Variants in GGA3 observed in about 807,000 individuals in gnomAD.
GGA3 encodes the protein golgi associated, gamma adaptin ear containing, ARF binding protein 3.
In GGA3, 57 loss-of-function variants were observed where a neutral mutation model predicts 77.5. The ratio of observed to expected loss-of-function variants is 0.74; its 90% confidence interval spans 0.59 to 0.92. GGA3 has a LOEUF of 0.92. Among genes scored for constraint, GGA3 ranks in the 40% least tolerant of loss-of-function variants. The probability of loss-of-function intolerance (pLI) is 0.00; values close to 1 mark genes in which losing one functional copy is unlikely to be tolerated. For synonymous variants in GGA3, 416 were observed against 383.7 expected (o/e 1.08, Z -0.98); for missense variants, 970 against 914.9 (o/e 1.06, Z -0.78).
chr17:75,255,036 G>C (rs1226684293), intron 1 of GGA3, among the ~76,000 whole-genome samples: 2 of 152,178 alleles, frequency 1.3e-5, no homozygotes, highest in Non-Finnish European at 2.9e-5. Context: ...TCGGCTTAAC[G>C]GCTGAAGACT....
At position 75,241,668 on chromosome 17, in the gene GGA3, C is replaced by T. The variant is rs368953900; in HGVS notation, c.776G>A (p.Arg259Lys). 6.8e-6 allele frequency: 11 copies of T among 1,614,034 alleles called. No individual in the cohort carries two copies. Among genetic ancestry groups the T allele is most frequent in the Non-Finnish European group, 8.5e-6 (10 of 1,179,998 alleles). ...KELFDQCENKRRTLFKLASET... is the reference protein window; with the variant it reads ...KELFDQCENKKRTLFKLASET... Reference sequence around the variant, plus strand: ...ACTGGCGAGTTTAAATAAAGTCCGCCTCTTGTTCTCACACTGATCAAACAG... The same window carrying T: ...ACTGGCGAGTTTAAATAAAGTCCGCTTCTTGTTCTCACACTGATCAAACAG... The change falls in exon 9 of 17, where the codon AGG (arginine) becomes AAG (lysine). Residue 259 changes from arginine (R) to lysine (K), a missense_variant. Coordinates refer to ENST00000537686, the MANE Select transcript of GGA3 (RefSeq NM_138619.4).
rs757636125 is a variant in GGA3, at chr17:75,242,378, G to A, written c.705C>T (p.Tyr235=). Residue 235 remains tyrosine (Y), a synonymous_variant, in exon 8 of 17, where the codon TAC becomes TAT. Transcript: ENST00000537686. ...VRLLSEMLLH[Y]SQEDSSDGDR... is the part of the protein sequence containing the mutation. ...CCCCGTCCGAAGAGTCCTCCTGGCT[G>A]TAATGAAGCAGCATCTCACTGAGCA... is the stretch of plus-strand genomic sequence containing the variant. The A allele has an allele frequency of 2.5e-6, 4 of 1,614,188 alleles. No homozygotes were observed. The highest frequency in any genetic ancestry group is 3.4e-6 in the Non-Finnish European group (4 of 1,180,004).
rs910807206 is a variant in GGA3, at chr17:75,246,393, T to C, written c.201+116A>G. The C allele has an allele frequency of 4.3e-6, 3 of 705,546 alleles. No homozygotes were observed. In the South Asian group the frequency reaches 4.8e-5, roughly 11 times the overall value. The allele number at this position is 705,546 out of a possible 1,614,324, so 43.7% of individuals were successfully genotyped here. A position where few individuals can be genotyped will look rare whatever the true frequency, so the allele number is the denominator to read the frequency against. Reference sequence around the variant, plus strand: ...AGATTCGAGATCTATCTAGTCTGTATCAAGGACTTTCTGTTGGCTTTTGGC... The same window carrying C: ...AGATTCGAGATCTATCTAGTCTGTACCAAGGACTTTCTGTTGGCTTTTGGC... On this transcript the variant is annotated intron_variant, in intron 3 of 16. Coordinates refer to ENST00000537686, the MANE Select transcript of GGA3 (RefSeq NM_138619.4).
intron 16 of GGA3, 22 bp from the exon 17 acceptor site, chr17:75,238,411 G>A (rs1476300281): frequency 1.2e-6 from 2 of 1,604,470 alleles, no homozygotes; most frequent in Non-Finnish European, 8.5e-7. Context: ...GGCAGCAAGT[G>A]AGATCCAGCC....
At chr17:75,252,724 T>C (rs1339173802) in intron 1 of GGA3, among the ~76,000 whole-genome samples, 1 of 152,156 alleles carries the variant, frequency 6.6e-6, no homozygotes, top group Non-Finnish European at 1.5e-5. Context: ...GATGTAAAAA[T>C]AGCCTTACCT....
Position 75,240,392 on chromosome 17 carries a change from T to G in GGA3, c.1213A>C (p.Asn405His). 1 of 1,599,872 alleles carries G rather than the reference T, an allele frequency of 6.3e-7. No homozygotes were observed. Among genetic ancestry groups the G allele is most frequent in the African/African-American group, 1.3e-5 (1 of 74,908 alleles). Reference protein sequence around the residue: ...LCLGLADPAPNVPPKESAGNS... With the variant: ...LCLGLADPAPHVPPKESAGNS... ...CCAGCTGACTCTTTGGGAGGAACAT[T>G]AGGGGCTGGGTCGGCGAGGCCTGAC... is the stretch of plus-strand genomic sequence containing the variant. The change falls in exon 12 of 17, where the codon AAT (asparagine) becomes CAT (histidine). Residue 405 changes from asparagine to histidine, a missense_variant. By Grantham distance (68) the Asn-to-His change is moderately conservative. Transcript: ENST00000537686.
chr17:75,239,306 G>T, intron 14 of GGA3, 69 bp downstream of exon 14: 1 of 1,328,278 alleles, frequency 7.5e-7, no homozygotes, highest in Non-Finnish European at 1.0e-6. Context: ...ATCCATCCCT[G>T]TCGCATGTCC....
intron 3 of GGA3, among the ~76,000 whole-genome samples, chr17:75,245,362 G>T (rs1188010554): frequency 6.6e-6 from 1 of 152,058 alleles, no homozygotes; most frequent in Admixed American, 6.6e-5. Context: ...TCTTCGTTGT[G>T]GGGGGCCACT....
rs1338233945 is a variant in GGA3, at chr17:75,248,209, C to T, written c.41-1413G>A. Among the ~76,000 whole-genome samples the T allele has an allele frequency of 6.6e-5, 10 of 151,970 alleles. 1 individual carries two copies. The highest frequency in any genetic ancestry group is 1.3e-4 in the Non-Finnish European group (9 of 67,984). ...CTACGGGGCCGGGCGTGGTGGCTCA[C>T]GCCTGTAATCCCAGCACTTTGGGAG... On this transcript the variant is annotated intron_variant, in intron 1 of 16. Transcript: ENST00000537686.
At chr17:75,248,839 C>A in intron 1 of GGA3, 1 of 976,544 alleles carries the variant, frequency 1.0e-6, no homozygotes, top group Non-Finnish European at 1.2e-6. Flanking sequence ...AAAAAACTCA[C>A]CAGCTGGATG....
rs150865785 is a variant in GGA3, at chr17:75,236,777, C to G, written c.*1502G>C. 1 of 154,120 alleles carries G rather than the reference C, an allele frequency of 6.5e-6. No individual in the cohort carries two copies. Among genetic ancestry groups the G allele is most frequent in the Non-Finnish European group, 1.4e-5 (1 of 69,058 alleles). 9.5% of individuals were successfully genotyped at this position (154,120 alleles called of 1,614,324 possible). On this transcript the variant is annotated 3_prime_UTR_variant, in exon 17 of 17. Coordinates refer to ENST00000537686, the MANE Select transcript of GGA3 (RefSeq NM_138619.4). ...TCCACATAGTAATTCCACAGACATT[C>G]CCAGGGCTGCAGCAGCCAGTCTCTG...
chr17:75,237,184 G>A lies in GGA3; in HGVS notation c.*1095C>T, dbSNP rs1598377191. Reference sequence around the variant, plus strand: ...GGCCAAGCACTGTTGAAGCAATAGGGTCTGGTGACTCAGCTCAAGTGTGGC... The same window carrying A: ...GGCCAAGCACTGTTGAAGCAATAGGATCTGGTGACTCAGCTCAAGTGTGGC... On this transcript the variant is annotated 3_prime_UTR_variant, in exon 17 of 17. Transcript: ENST00000537686. 9 of 531,642 alleles carry A rather than the reference G, an allele frequency of 1.7e-5. No homozygotes were observed. In the South Asian group the frequency reaches 2.1e-4, roughly 12 times the overall value. 32.9% of individuals were successfully genotyped at this position (531,642 alleles called of 1,614,324 possible). A position where few individuals can be genotyped will look rare whatever the true frequency, so the allele number is the denominator to read the frequency against.
Position 75,240,007 on chromosome 17 carries a change from G to A in GGA3, c.1365C>T (p.Ser455=), listed in dbSNP as rs758154876. 21 of 1,553,174 alleles carry A rather than the reference G, an allele frequency of 1.4e-5. No individual in the cohort carries two copies. The Admixed American group carries it at 1.4e-4, about 10-fold the overall frequency. The change falls in exon 13 of 17, where the codon AGC becomes AGT. Residue 455 remains serine, a synonymous_variant. Coordinates refer to ENST00000537686, the MANE Select transcript of GGA3 (RefSeq NM_138619.4). ...GAGGCGGCAGTGGAGCTTGGGAGCT[G>A]CTTGAGGAGGGGGCTGAGGGCTGGA... ...PLLQPSAPSS[S]SSQAPLPPPF...
upstream of GGA3, chr17:75,261,617 A>G (rs1459215567): frequency 1.3e-6 from 2 of 1,528,472 alleles, no homozygotes. Context: ...GCGGCTTCAA[A>G]ACTCGCGAGA....
Position 75,237,493 on chromosome 17 carries a change from G to A in GGA3, c.*786C>T. 14 of 1,535,866 alleles carry A rather than the reference G, an allele frequency of 9.1e-6. No homozygotes were observed. Among genetic ancestry groups the A allele is most frequent in the Non-Finnish European group, 1.2e-5 (14 of 1,146,668 alleles). On this transcript the variant is annotated 3_prime_UTR_variant, in exon 17 of 17. Coordinates refer to ENST00000537686, the MANE Select transcript of GGA3 (RefSeq NM_138619.4). The stretch of plus-strand genomic sequence containing the variant: ...GTCAGTAGGATGGCCTGTCCCCACG[G>A]CTGGAGGCACGCTTTTCCCAGAAAG...
In GGA3 at chr17:75,239,041, C is replaced by A; in HGVS notation, c.1823G>T (p.Arg608Leu). Residue 608 changes from arginine (R) to leucine (L), a missense_variant, in exon 15 of 17, where the codon CGC (arginine) becomes CTC (leucine). By Grantham distance (102) the Arg-to-Leu change is moderately radical. Transcript: ENST00000537686. ...CTCCTTGGCAAAGTGGAAGAGGATG[C>A]GGAAGCCGTTTTTATCGTAGGCTGT... is the stretch of plus-strand genomic sequence containing the variant. ...PVTAYDKNGFRILFHFAKECP... is the reference protein window; with the variant it reads ...PVTAYDKNGFLILFHFAKECP... 6.2e-7 allele frequency: 1 copy of A among 1,613,814 alleles called. No homozygotes were observed.
Position 75,239,569 on chromosome 17 carries a change from G to T in GGA3, c.1586C>A (p.Thr529Asn), listed in dbSNP as rs148279153. Residue 529 changes from threonine to asparagine, a missense_variant and splice_region_variant, in exon 14 of 17, where the codon ACC (threonine) becomes AAC (asparagine). Transcript: ENST00000537686. ...LDQLLEEAKV[T>N]SGLVKPTTSP... ...GGTAGTGGGTTTCACCAAGCCCGAG[G>T]TCCTGGGAGGTGGGAAGGATGGAAA... 218 of 1,554,592 alleles carry T rather than the reference G, an allele frequency of 1.4e-4. 1 individual carries two copies. The African/African-American group carries it at 2.6e-3, about 19-fold the overall frequency.
chr17:75,249,594 T>A (rs2076890470), intron 1 of GGA3, among the ~76,000 whole-genome samples: 1 of 152,222 alleles, frequency 6.6e-6, no homozygotes, highest in Admixed American at 6.5e-5. Context: ...TACTAATTCC[T>A]ATCAGGTGCT....
intron 4 of GGA3, 113 bp from the exon 5 acceptor site, chr17:75,243,683 A>C (rs1427233652): frequency 3.0e-6 from 3 of 1,013,638 alleles, no homozygotes; most frequent in Non-Finnish European, 4.3e-6. Flanking sequence ...TCCTACTCAA[A>C]ATCTGCAGGT....
Sources: gnomAD v4.1 joint callset for allele counts (sites outside exome capture counted in the v4.1 genomes callset) on GRCh38, gnomAD v4.1.1 for gene constraint, MANE v1.5 for transcripts, NCBI Gene and HGNC (gene_info 2026-07-23, HGNC 2026-07-21) for gene names.